ARHGAP29: variants seen among roughly 807,000 people sequenced by gnomAD.
ARHGAP29 encodes the protein Rho GTPase activating protein 29.
Under a neutral mutation model 122.6 loss-of-function variants are expected in ARHGAP29, and 43 were observed. The ratio of observed to expected loss-of-function variants is 0.35; its 90% CI spans 0.27 to 0.45. ARHGAP29 has a LOEUF of 0.45. Among genes scored for constraint, ARHGAP29 ranks in the 20% least tolerant of loss-of-function variants. The pLI, the probability that ARHGAP29 is intolerant of heterozygous loss-of-function variation, is 1.00. For missense variants in ARHGAP29, 1,303 were observed against 1,477.2 expected (o/e 0.88, Z 1.93); for synonymous variants, 506 against 497.1 (o/e 1.02, Z -0.24).
At chr1:94,239,846 A>C (rs1653509506), upstream of ARHGAP29, among the ~76,000 whole-genome samples, 1 of 152,190 alleles carries the variant, frequency 6.6e-6, no homozygotes, top group South Asian at 2.1e-4. Context: ...TTCAGACTTA[A>C]TTTTTAAAAT....
intron 3 of ARHGAP29, among the ~76,000 whole-genome samples, chr1:94,212,247 G>A (rs1309849266): frequency 6.6e-6 from 1 of 151,914 alleles, no homozygotes; most frequent in Non-Finnish European, 1.5e-5. Context: ...GACAGAGCGA[G>A]ACTCCATCTC....
the ARHGAP29 span, among the ~76,000 whole-genome samples, chr1:94,293,665 A>C: frequency 6.6e-6 from 1 of 152,308 alleles, no homozygotes; most frequent in East Asian, 1.9e-4. Context: ...GCAGTTGTTT[A>C]TAGCAATGTG....
At chr1:94,177,515 TG>T in intron 22 of ARHGAP29, 96 bp downstream of exon 22, 1 of 856,908 alleles carries the variant, frequency 1.2e-6, no homozygotes, top group Non-Finnish European at 1.7e-6. Context: ...CTTCATTCTC[TG>T]GCTTCCCTCA....
intron 1 of ARHGAP29, among the ~76,000 whole-genome samples, chr1:94,274,001 T>C (rs1655092867): frequency 1.3e-5 from 2 of 152,088 alleles, no homozygotes; most frequent in Non-Finnish European, 2.9e-5. Flanking sequence ...TTTATAGAGA[T>C]TATCCCATTT....
the ARHGAP29 span, among the ~76,000 whole-genome samples, chr1:94,281,502 A>G: frequency 6.6e-6 from 1 of 152,210 alleles, no homozygotes; most frequent in African/African-American, 2.4e-5. Flanking sequence ...ACAGGACTTC[A>G]TGGCAGAGCA....
At chr1:94,234,510 T>C (rs914120380) in intron 1 of ARHGAP29, among the ~76,000 whole-genome samples, 2 of 152,330 alleles carry the variant, frequency 1.3e-5, no homozygotes, top group South Asian at 4.1e-4. Flanking sequence ...GACCACACTT[T>C]ATAATTTTTA....
chr1:94,199,699 C>T (rs576342639), intron 12 of ARHGAP29, among the ~76,000 whole-genome samples: 1 of 152,310 alleles, frequency 6.6e-6, no homozygotes, highest in Non-Finnish European at 1.5e-5. Context: ...TTCACACTAG[C>T]CAATCCTAAA....
At chr1:94,287,115 G>A in the ARHGAP29 span, among the ~76,000 whole-genome samples, 1 of 152,194 alleles carries the variant, frequency 6.6e-6, no homozygotes, top group African/African-American at 2.4e-5. Flanking sequence ...CCCTCTTTGA[G>A]TTTGATTAAT....
chr1:94,197,512 T>C (rs1428791509), intron 12 of ARHGAP29, among the ~76,000 whole-genome samples: 1 of 152,194 alleles, frequency 6.6e-6, no homozygotes. Context: ...CCAATTCATT[T>C]TATGCAGCCA....
chr1:94,242,798 A>G (rs1206989698), intron 1 of ARHGAP29, among the ~76,000 whole-genome samples: 3 of 152,086 alleles, frequency 2.0e-5, no homozygotes, highest in Non-Finnish European at 2.9e-5. Context: ...GTAAGACCCA[A>G]CTATATTTTT....
In ARHGAP29 at chr1:94,174,343, T is replaced by C. The variant is rs750890180; in HGVS notation, c.3312A>G (p.Glu1104=). The part of the protein sequence containing the change: ...TTMIMPSALQ[E]KGVTTSLQIS... The stretch of plus-strand genomic sequence containing the variant: ...TCTGGAGGCTTGTTGTCACTCCTTT[T>C]TCCTGGAGTGCACTGGGCATGATCA... The change falls in exon 23 of 23, where the codon GAA becomes GAG. Residue 1104 remains glutamate, a synonymous_variant. Coordinates refer to ENST00000260526, the MANE Select transcript of ARHGAP29 (RefSeq NM_004815.4). 4.3e-6 allele frequency: 7 copies of C among 1,614,178 alleles called. No individual in the cohort carries two copies. Among genetic ancestry groups the C allele is most frequent in the Non-Finnish European group, 5.9e-6 (7 of 1,180,042 alleles).
intron 14 of ARHGAP29, 96 bp downstream of exon 14, chr1:94,189,120 T>C: frequency 6.8e-7 from 1 of 1,475,244 alleles, no homozygotes; most frequent in Non-Finnish European, 9.1e-7. Context: ...AACTAAGGCC[T>C]GATTTTTAAA....
intron 2 of ARHGAP29, among the ~76,000 whole-genome samples, chr1:94,226,872 T>A (rs193074297): frequency 3.9e-5 from 6 of 152,106 alleles, no homozygotes; most frequent in Admixed American, 3.9e-4. Context: ...GACAGAGCAG[T>A]ACACATCTGA....
the ARHGAP29 span, among the ~76,000 whole-genome samples, chr1:94,301,328 T>G: frequency 6.6e-6 from 1 of 152,192 alleles, no homozygotes; most frequent in Non-Finnish European, 1.5e-5. Context: ...AAACGGGGAA[T>G]CACGTTGTAG....
intron 16 of ARHGAP29, among the ~76,000 whole-genome samples, chr1:94,185,746 T>C (rs1413893518): frequency 6.6e-6 from 1 of 152,138 alleles, no homozygotes; most frequent in East Asian, 1.9e-4. Flanking sequence ...CATAACGTTT[T>C]CAGAATCAGC....
rs185872779 is a variant in ARHGAP29 at position 94,254,907 on chromosome 1, T to A, written c.-33+20105A>T. On this transcript the variant is annotated intron_variant and NMD_transcript_variant, in intron 1 of 25. Coordinates refer to the ARHGAP29 transcript ENST00000552844. ...ATTCATGAATCAGTATTTGAAGTGC[T>A]ATAAAAACTGAAGGTGGTTTTTGGT... 1.4e-3 allele frequency among the ~76,000 whole-genome samples: 209 copies of A among 152,314 alleles called. 2 individuals are homozygous for A. Among genetic ancestry groups the A allele is most frequent in the South Asian group, 6.2e-4 (3 of 4,826 alleles).
the ARHGAP29 span, among the ~76,000 whole-genome samples, chr1:94,290,223 A>C: frequency 2.0e-5 from 3 of 151,388 alleles, no homozygotes; most frequent in African/African-American, 7.3e-5. Flanking sequence ...TCTATTCATC[A>C]GTTATTCTCT....
At chr1:94,236,896 C>T (rs1653309678) in intron 1 of ARHGAP29, among the ~76,000 whole-genome samples, 2 of 152,166 alleles carry the variant, frequency 1.3e-5, no homozygotes, top group East Asian at 3.9e-4. Context: ...AGAATCCAGG[C>T]AAGAACACAG....
At chr1:94,253,475 T>C (rs1381839581) in intron 1 of ARHGAP29, among the ~76,000 whole-genome samples, 1 of 152,224 alleles carries the variant, frequency 6.6e-6, no homozygotes, top group Non-Finnish European at 1.5e-5. Context: ...CTAACATGTT[T>C]AAATATGAAA....
Sources: gnomAD v4.1 joint callset for allele counts (sites outside exome capture counted in the v4.1 genomes callset) on GRCh38, gnomAD v4.1.1 for gene constraint, MANE v1.5 for transcripts, NCBI Gene and HGNC (gene_info 2026-07-23, HGNC 2026-07-21) for gene names.